CTNNA2: variants seen among roughly 807,000 people sequenced by gnomAD.
CTNNA2 encodes catenin alpha-2.
Under a neutral mutation model 101.0 loss-of-function variants are expected in CTNNA2, and 42 were observed. That is an observed-to-expected ratio of 0.42 (90% CI 0.32 to 0.54). The LOEUF is 0.54. CTNNA2 is among the 20% of genes least tolerant of loss of function. The pLI is 0.14. For synonymous variants in CTNNA2, 450 were observed against 456.4 expected (o/e 0.99, Z 0.18); for missense variants, 871 against 1,223.1 (o/e 0.71, Z 4.29).
rs757882159 is a variant in CTNNA2, at chr2:79,220,186, ATG to A, written c.-406+22124_-406+22125del. Among the ~76,000 whole-genome samples the A allele has an allele frequency of 5.5e-3, 835 of 150,994 alleles. 6 individuals are homozygous for A. The highest frequency in any genetic ancestry group is 0.019 in the South Asian group (90 of 4,778). ...TGTATGTGTGTGTGTGTATATATAT[ATG>A]TGTGTGTGTGTGTATATATATGTAA... On this transcript the variant is annotated intron_variant, in intron 2 of 21. Coordinates refer to the CTNNA2 transcript ENST00000466387.
intron 4 of CTNNA2, among the ~76,000 whole-genome samples, chr2:79,441,199 T>C (rs1487592032): frequency 1.3e-5 from 2 of 152,208 alleles, no homozygotes; most frequent in Non-Finnish European, 2.9e-5. Flanking sequence ...AAGGAATGTA[T>C]GTTGCTGCTC....
At chr2:79,188,006 C>CA (rs1319106881) in intron 1 of CTNNA2, among the ~76,000 whole-genome samples, 3 of 151,676 alleles carry the variant, frequency 2.0e-5, no homozygotes, top group Non-Finnish European at 4.4e-5. Context: ...GCCCAGTTAA[C>CA]AAAAAACAGC....
At chr2:80,507,852 A>G (rs1688392676) in intron 9 of CTNNA2, among the ~76,000 whole-genome samples, 1 of 152,212 alleles carries the variant, frequency 6.6e-6, no homozygotes, top group Non-Finnish European at 1.5e-5. Context: ...TTTGAGTCAA[A>G]TAGATGGCTG....
chr2:79,216,152 G>A (rs1674255031), intron 2 of CTNNA2, among the ~76,000 whole-genome samples: 1 of 152,144 alleles, frequency 6.6e-6, no homozygotes. Flanking sequence ...CTGGCTATTT[G>A]GAACGGCTGT....
chr2:79,932,200 T>C (rs933127144), intron 7 of CTNNA2, among the ~76,000 whole-genome samples: 9 of 152,020 alleles, frequency 5.9e-5, no homozygotes, highest in African/African-American at 2.2e-4. Context: ...GACCTGCCCT[T>C]CCTCCCCACA....
intron 7 of CTNNA2, among the ~76,000 whole-genome samples, chr2:80,030,831 C>T (rs751972547): frequency 2.6e-5 from 4 of 151,718 alleles, no homozygotes; most frequent in Non-Finnish European, 4.4e-5. Context: ...AATGGACACA[C>T]AAATGTAAAA....
At chr2:79,306,624 C>T (rs1013086528) in intron 2 of CTNNA2, among the ~76,000 whole-genome samples, 5 of 152,076 alleles carry the variant, frequency 3.3e-5, no homozygotes, top group Non-Finnish European at 5.9e-5. Context: ...AATATTTTTG[C>T]CCCATTTATG....
At chr2:80,599,845 A>ACATGTGC (rs1418044468) in intron 15 of CTNNA2, among the ~76,000 whole-genome samples, 3 of 151,958 alleles carry the variant, frequency 2.0e-5, no homozygotes, top group Admixed American at 6.6e-5. Flanking sequence ...ACATATGTAT[A>ACATGTGC]CATGTGCCAT....
At chr2:79,662,267 T>C (rs1411334860) in intron 2 of CTNNA2, among the ~76,000 whole-genome samples, 1 of 152,158 alleles carries the variant, frequency 6.6e-6, no homozygotes, top group Non-Finnish European at 1.5e-5. Context: ...ATATGCACTC[T>C]TCCTTTTATT....
chr2:80,419,512 G>A lies in CTNNA2; in HGVS notation c.1201G>A (p.Val401Ile). The A allele has an allele frequency of 6.2e-7, 1 of 1,613,404 alleles. No homozygotes were observed. Among genetic ancestry groups the A allele is most frequent in the Non-Finnish European group, 8.5e-7 (1 of 1,179,464 alleles). The change falls in exon 9 of 19, where the codon GTT becomes ATT. Residue 401 changes from valine (V) to isoleucine (I), a missense_variant. Physicochemically the swap from Val to Ile is conservative, Grantham distance 29. Transcript: ENST00000402739. ...SFLETNVPLL[V>I]LIEAAKSGNE... ...CCTGGAAACCAATGTTCCTTTGCTA[G>A]TTCTCATTGAGGCTGCAAAGAGCGG...
intron 7 of CTNNA2, chr2:80,299,059 G>C (rs1184983642): frequency 2.0e-5 from 3 of 152,046 alleles, no homozygotes; most frequent in African/African-American, 4.8e-5. Context: ...ACTTTAATCA[G>C]CTGGGAAGGT....
intron 9 of CTNNA2, among the ~76,000 whole-genome samples, chr2:80,537,103 T>A (rs1370311336): frequency 1.3e-5 from 2 of 151,804 alleles, no homozygotes; most frequent in Non-Finnish European, 2.9e-5. Flanking sequence ...GGCCCCAGTG[T>A]GTGTTGTTCC....
At chr2:80,428,382 A>G (rs55772039) in intron 9 of CTNNA2, among the ~76,000 whole-genome samples, 31 of 152,348 alleles carry the variant, frequency 2.0e-4, no homozygotes, top group East Asian at 7.7e-4. Flanking sequence ...AATATGTCCA[A>G]TGATATTGCA....
At chr2:80,234,263 C>A (rs1465600499) in intron 7 of CTNNA2, among the ~76,000 whole-genome samples, 2 of 152,144 alleles carry the variant, frequency 1.3e-5, no homozygotes, top group Non-Finnish European at 2.9e-5. Flanking sequence ...AACTCCTGAC[C>A]TCAAGTGATC....
chr2:80,587,475 G>T (rs1183878151), intron 14 of CTNNA2, among the ~76,000 whole-genome samples: 2 of 152,030 alleles, frequency 1.3e-5, no homozygotes, highest in Non-Finnish European at 2.9e-5. Context: ...TATTTAATTT[G>T]CTGCCCACCA....
chr2:80,416,794 G>A (rs564081711), intron 8 of CTNNA2, among the ~76,000 whole-genome samples: 4 of 151,868 alleles, frequency 2.6e-5, no homozygotes, highest in African/African-American at 7.2e-5. Flanking sequence ...AAGGTCATGA[G>A]AACAATATTC....
intron 9 of CTNNA2, among the ~76,000 whole-genome samples, chr2:80,485,632 C>T (rs1273715924): frequency 6.6e-5 from 10 of 152,108 alleles, no homozygotes; most frequent in Non-Finnish European, 1.3e-4. Context: ...AAGGTTTTAA[C>T]CTTTAGTTTT....
intron 3 of CTNNA2, among the ~76,000 whole-genome samples, chr2:79,857,628 C>G (rs117227464): frequency 2.6e-4 from 40 of 152,264 alleles, no homozygotes; most frequent in African/African-American, 9.1e-4. Flanking sequence ...ATTTGTACCT[C>G]GACTGTCAGT....
intron 7 of CTNNA2, among the ~76,000 whole-genome samples, chr2:80,111,285 A>C (rs1329453586): frequency 6.6e-6 from 1 of 152,178 alleles, no homozygotes; most frequent in Admixed American, 6.5e-5. Flanking sequence ...TCAGCATCTC[A>C]CATTTAAAAT....
Sources: gnomAD v4.1 joint callset for allele counts (sites outside exome capture counted in the v4.1 genomes callset) on GRCh38, gnomAD v4.1.1 for gene constraint, MANE v1.5 for transcripts, NCBI Gene and HGNC (gene_info 2026-07-23, HGNC 2026-07-21) for gene names.